The following PARD3B variants were observed in gnomAD, a reference collection of about 807,000 sequenced individuals.
PARD3B encodes the protein par-3 family cell polarity regulator beta.
PARD3B carries 103 observed loss-of-function variants against 130.2 expected under a neutral mutation model. That is an observed-to-expected ratio of 0.79 (90% CI 0.67 to 0.93). The LOEUF (loss-of-function observed/expected upper bound fraction) is 0.93. PARD3B is among the 40% of genes least tolerant of loss of function. The pLI, the probability that PARD3B is intolerant of heterozygous loss-of-function variation, is 0.00. For missense variants in PARD3B, 1,609 were observed against 1,499.2 expected (o/e 1.07, Z -1.21); for synonymous variants, 583 against 553.2 (o/e 1.05, Z -0.76).
chr2:205,084,006 CTG>C (rs1385584303), intron 4 of PARD3B, among the ~76,000 whole-genome samples: 2 of 152,074 alleles, frequency 1.3e-5, no homozygotes, highest in Non-Finnish European at 2.9e-5. Flanking sequence ...AACAAAATCA[CTG>C]TGTCATCATT....
At chr2:204,553,695 T>TACACAC (rs57144543) in intron 1 of PARD3B, among the ~76,000 whole-genome samples, 5 of 90,770 alleles carry the variant, frequency 5.5e-5, no homozygotes, top group African/African-American at 2.9e-4. Context: ...TATATATATA[T>TACACAC]ACACACATAT....
At chr2:204,757,476 T>C (rs1270895575) in intron 2 of PARD3B, among the ~76,000 whole-genome samples, 1 of 152,194 alleles carries the variant, frequency 6.6e-6, no homozygotes, top group Non-Finnish European at 1.5e-5. Flanking sequence ...GGTATCTCAT[T>C]GTAGTTTTGA....
At chr2:204,740,072 G>T (rs1477331745) in intron 2 of PARD3B, among the ~76,000 whole-genome samples, 1 of 151,864 alleles carries the variant, frequency 6.6e-6, no homozygotes, top group African/African-American at 2.4e-5. Context: ...GGAGTGCAGT[G>T]ATGCCATCTC....
chr2:205,504,317 C>A (rs1234888987), intron 21 of PARD3B, among the ~76,000 whole-genome samples: 1 of 152,132 alleles, frequency 6.6e-6, no homozygotes, highest in Non-Finnish European at 1.5e-5. Flanking sequence ...CAATACCATT[C>A]AGGACATAGG....
In PARD3B at chr2:205,341,553, T is replaced by G. The variant is rs1264693912; in HGVS notation, c.2630+39852T>G. Among the ~76,000 whole-genome samples the G allele has an allele frequency of 1.3e-5, 2 of 152,028 alleles. No homozygotes were observed. Among genetic ancestry groups the G allele is most frequent in the Non-Finnish European group, 2.9e-5 (2 of 67,954 alleles). The stretch of plus-strand genomic sequence containing the variant: ...AAGCTAAAAAAAATGTTTAAGCTCA[T>G]GAAAGTAGAGACCAGAATTGTGGCT... On this transcript the variant is annotated intron_variant, in intron 18 of 22. Coordinates refer to ENST00000406610, the MANE Select transcript of PARD3B (RefSeq NM_001302769.2). The surrounding 1 kb of genome is among the most constrained non-coding windows in gnomAD (Gnocchi z 4.3).
chr2:205,420,799 A>G (rs549492601), intron 19 of PARD3B, among the ~76,000 whole-genome samples: 4 of 152,186 alleles, frequency 2.6e-5, no homozygotes, highest in Non-Finnish European at 4.4e-5. Flanking sequence ...TAAATTTTCT[A>G]AGAGAGAGAA....
At chr2:204,686,015 G>T (rs1162891947) in intron 1 of PARD3B, among the ~76,000 whole-genome samples, 166 bp from the exon 2 acceptor site, 1 of 152,104 alleles carries the variant, frequency 6.6e-6, no homozygotes, top group Non-Finnish European at 1.5e-5. Flanking sequence ...GGATAAAAAT[G>T]CCAAGTATTT....
chr2:204,856,077 T>C (rs190844169), intron 2 of PARD3B, among the ~76,000 whole-genome samples: 319 of 152,238 alleles, frequency 2.1e-3, no homozygotes, highest in Middle Eastern at 6.8e-3. Flanking sequence ...AGAAGTGGGA[T>C]TGCTGGATCA....
At chr2:205,046,480 GTTT>G (rs10538808) in intron 3 of PARD3B, among the ~76,000 whole-genome samples, 13 of 140,778 alleles carry the variant, frequency 9.2e-5, no homozygotes, top group South Asian at 2.3e-4. Flanking sequence ...CATGAAAGAA[GTTT>G]TTTTTTTTTT....
intron 21 of PARD3B, among the ~76,000 whole-genome samples, chr2:205,545,811 T>C (rs2052356129): frequency 6.6e-6 from 1 of 152,214 alleles, no homozygotes; most frequent in African/African-American, 2.4e-5. Flanking sequence ...TTATTTTCAA[T>C]GAATTGTTAA....
rs73984289 is a variant in PARD3B, at chr2:204,731,922, G to A, written c.222+45640G>A. Among the ~76,000 whole-genome samples the A allele has an allele frequency of 5.5e-3, 840 of 152,080 alleles. 8 individuals carry two copies. Among genetic ancestry groups the A allele is most frequent in the African/African-American group, 0.019 (787 of 41,502 alleles). Reference sequence around the variant, plus strand: ...GAATTACCTGAACTCTCTAACACCCGTTTTAGCTCATCAAAATTGTTCATA... The same window carrying A: ...GAATTACCTGAACTCTCTAACACCCATTTTAGCTCATCAAAATTGTTCATA... On this transcript the variant is annotated intron_variant, in intron 2 of 22. Transcript: ENST00000406610.
intron 1 of PARD3B, among the ~76,000 whole-genome samples, chr2:204,655,387 A>G (rs1423445911): frequency 6.6e-6 from 1 of 151,746 alleles, no homozygotes; most frequent in Non-Finnish European, 1.5e-5. Context: ...TCTCTGATTT[A>G]CTCTGCTTGT....
At chr2:205,257,551 C>A (rs1361842848) in intron 16 of PARD3B, among the ~76,000 whole-genome samples, 2 of 151,914 alleles carry the variant, frequency 1.3e-5, no homozygotes, top group African/African-American at 4.8e-5. Context: ...TGGCCCATAC[C>A]CTATTTTAAA....
chr2:204,894,065 A>G (rs2046548864), intron 2 of PARD3B, among the ~76,000 whole-genome samples: 1 of 152,152 alleles, frequency 6.6e-6, no homozygotes, highest in Non-Finnish European at 1.5e-5. Flanking sequence ...TAAAAAAAAA[A>G]AAAGTTAATT....
At chr2:205,295,965 G>C (rs796158596) in intron 16 of PARD3B, among the ~76,000 whole-genome samples, 16 of 152,130 alleles carry the variant, frequency 1.1e-4, no homozygotes, top group African/African-American at 3.6e-4. Context: ...TTCCCTTTTT[G>C]AATAAAAAGG....
At chr2:205,561,792 G>A (rs2053146236) in intron 22 of PARD3B, among the ~76,000 whole-genome samples, 1 of 152,178 alleles carries the variant, frequency 6.6e-6, no homozygotes, top group Non-Finnish European at 1.5e-5. Flanking sequence ...TGAAGAACTT[G>A]TCTAGGTCAT....
chr2:204,734,978 T>TGAACAAAG (rs1380245046), intron 2 of PARD3B, among the ~76,000 whole-genome samples: 2 of 151,326 alleles, frequency 1.3e-5, no homozygotes, highest in Non-Finnish European at 1.5e-5. Context: ...GTTAAAATAA[T>TGAACAAAG]GAAAAAAGGA....
chr2:205,297,261 A>G (rs1419976380), intron 16 of PARD3B, among the ~76,000 whole-genome samples: 1 of 152,116 alleles, frequency 6.6e-6, no homozygotes, highest in African/African-American at 2.4e-5. Context: ...CCCTGGTTTT[A>G]GTGAAAGCCT....
intron 15 of PARD3B, among the ~76,000 whole-genome samples, chr2:205,233,900 C>T (rs2038952255): frequency 6.6e-6 from 1 of 152,038 alleles, no homozygotes; most frequent in African/African-American, 2.4e-5. Context: ...TATGACATTG[C>T]AAAGCCAAAA....
Sources: allele counts gnomAD v4.1 joint callset (sites outside exome capture counted in the v4.1 genomes callset), GRCh38; gene constraint gnomAD v4.1.1; non-coding constraint Gnocchi (gnomAD v3.1); transcripts MANE v1.5; gene names NCBI Gene and HGNC (gene_info 2026-07-23, HGNC 2026-07-21).